The following ZNF365 variants were observed in gnomAD, a reference collection of about 807,000 sequenced individuals.
ZNF365 encodes zinc finger protein 365.
A neutral mutation model predicts 35.0 loss-of-function variants in ZNF365; 22 were observed. The ratio of observed to expected loss-of-function variants is 0.63; its 90% CI spans 0.45 to 0.90. The LOEUF is 0.90. ZNF365 is among the 40% of genes least tolerant of loss of function. ZNF365 has a pLI of 0.00. For synonymous variants in ZNF365, 188 were observed against 196.2 expected (o/e 0.96, Z 0.35); for missense variants, 448 against 500.3 (o/e 0.90, Z 1.00).
chr10:62,427,474 C>A (rs965956767), intron 3 of ZNF365, among the ~76,000 whole-genome samples: 2 of 152,250 alleles, frequency 1.3e-5, no homozygotes, highest in Non-Finnish European at 2.9e-5. Context: ...GTTAGCACAG[C>A]AACAAAATCA....
At chr10:62,389,591 AG>A in intron 3 of ZNF365, among the ~76,000 whole-genome samples, 1 of 152,312 alleles carries the variant, frequency 6.6e-6, no homozygotes, top group Middle Eastern at 3.4e-3. Context: ...CAGGGTGAAA[AG>A]GCAACATGAT....
chr10:62,441,237 G>T (rs1382426489), intron 3 of ZNF365, among the ~76,000 whole-genome samples: 2 of 152,090 alleles, frequency 1.3e-5, no homozygotes, highest in East Asian at 3.8e-4. Flanking sequence ...CAAATCTAAG[G>T]ATGTCTGATT....
intron 3 of ZNF365, 60 bp downstream of exon 3, chr10:62,388,636 G>A (rs1839567291): frequency 1.3e-6 from 2 of 1,584,440 alleles, no homozygotes; most frequent in Non-Finnish European, 1.7e-6. Context: ...AGAATGGGCT[G>A]AGGACAGAGA....
intron 3 of ZNF365, among the ~76,000 whole-genome samples, chr10:62,455,132 A>T (rs960609488): frequency 6.6e-6 from 1 of 152,172 alleles, no homozygotes; most frequent in Non-Finnish European, 1.5e-5. Flanking sequence ...AAAGGACAGA[A>T]AAACGCTGAC....
rs79524341 is a variant in ZNF365, at chr10:62,432,912, T to A, written c.925-26829T>A. On this transcript the variant is annotated intron_variant, in intron 3 of 4. Transcript: ENST00000395255. ...TCTCTTGAAAGCCCTAAAATGTACA[T>A]GGAGATCTTTCCCAGTAAACCCAAA... Among the ~76,000 whole-genome samples, 114 of 152,348 alleles carry A rather than the reference T, an allele frequency of 7.5e-4. 2 individuals are homozygous for A. In the East Asian group the frequency reaches 0.02, roughly 27 times the overall value.
intron 3 of ZNF365, among the ~76,000 whole-genome samples, chr10:62,418,818 G>A (rs1303462599): frequency 6.6e-6 from 1 of 152,050 alleles, no homozygotes; most frequent in African/African-American, 2.4e-5. Flanking sequence ...GGCAGATAAA[G>A]CCTAGAAGAG....
chr10:62,376,947 C>T lies in ZNF365; in HGVS notation c.743+11C>T. The T allele has an allele frequency of 1.3e-6, 2 of 1,590,140 alleles. No homozygotes were observed. The highest frequency in any genetic ancestry group is 1.7e-6 in the Non-Finnish European group (2 of 1,169,574). On this transcript the variant is annotated intron_variant, in intron 2 of 4. Coordinates refer to ENST00000395254, the MANE Select transcript of ZNF365 (RefSeq NM_014951.3). The stretch of plus-strand genomic sequence containing the variant: ...TCTTAGGAAAGAAGAGTAAGTGTTG[C>T]TGACAGGGGATGCTAACCCCATTGC...
intron 4 of ZNF365, among the ~76,000 whole-genome samples, chr10:62,471,684 ACAAAAAAATCTG>A (rs1841041560): frequency 6.6e-6 from 1 of 152,252 alleles, no homozygotes; most frequent in African/African-American, 2.4e-5. Flanking sequence ...GCATGGATGT[ACAAAAAAATCTG>A]CATGATTATT....
chr10:62,407,254 T>C (rs1241021056), downstream of ZNF365, among the ~76,000 whole-genome samples: 1 of 152,210 alleles, frequency 6.6e-6, no homozygotes, highest in African/African-American at 2.4e-5. Context: ...TGCTTCCCCA[T>C]AGTGGTTTGT....
Position 62,458,342 on chromosome 10 carries a change from A to G in ZNF365, c.925-1399A>G, listed in dbSNP as rs1448695305. Among the ~76,000 whole-genome samples, 3 of 152,164 alleles carry G rather than the reference A, an allele frequency of 2.0e-5. No individual in the cohort carries two copies. The East Asian group carries it at 5.8e-4, about 29-fold the overall frequency. On this transcript the variant is annotated intron_variant, in intron 3 of 4. Transcript: ENST00000395255. The stretch of plus-strand genomic sequence containing the variant: ...CTTTCCTTCTTCCAGAAAAGTATCA[A>G]AATGTCTGCTGATGGTTTCCTTTTT...
chr10:62,423,413 T>C (rs1840203780), intron 3 of ZNF365, among the ~76,000 whole-genome samples: 1 of 152,200 alleles, frequency 6.6e-6, no homozygotes, highest in Admixed American at 6.5e-5. Context: ...TTTCAGAATC[T>C]ACCTTGGGAA....
At chr10:62,411,649 G>A (rs916920787) in intron 3 of ZNF365, among the ~76,000 whole-genome samples, 4 of 151,954 alleles carry the variant, frequency 2.6e-5, no homozygotes, top group African/African-American at 9.7e-5. Flanking sequence ...GTCTGTTTTT[G>A]TACCAGTACC....
Position 62,399,768 on chromosome 10 carries a change from A to T in ZNF365, c.1203A>T (p.Thr401=), listed in dbSNP as rs1839794957. The change falls in exon 5 of 5, where the codon ACA becomes ACT. Residue 401 remains threonine (T), a synonymous_variant. Transcript: ENST00000395254. ...CCAAAATGGCTAAAAAAAAGCCAAC[A>T]GCCATTGTGAACATCATCTAAAAGG... The part of the protein sequence containing the change: ...IRPKMAKKKP[T]AIVNII 3.7e-6 allele frequency: 6 copies of T among 1,613,334 alleles called. No homozygotes were observed. Among genetic ancestry groups the T allele is most frequent in the Non-Finnish European group, 5.1e-6 (6 of 1,179,822 alleles).
chr10:62,397,637 CATGCAGAT>C (rs1379088707), intron 3 of ZNF365, among the ~76,000 whole-genome samples: 4 of 152,174 alleles, frequency 2.6e-5, no homozygotes, highest in African/African-American at 9.7e-5. Context: ...CACAAAAGTG[CATGCAGAT>C]ATTTTATTGC....
rs201686978 is a variant in ZNF365, at chr10:62,382,716, A to G, written c.744-5680A>G. Among the ~76,000 whole-genome samples, 12 of 152,322 alleles carry G rather than the reference A, an allele frequency of 7.9e-5. No individual in the cohort carries two copies. In the East Asian group the frequency reaches 1.5e-3, roughly 20 times the overall value. ...GCCTGTGGTGCCGGAAAGAGAGCGC[A>G]GGAGCCGACTCCATGCTATGGGTTT... On this transcript the variant is annotated intron_variant, in intron 2 of 4. Coordinates refer to ENST00000395254, the MANE Select transcript of ZNF365 (RefSeq NM_014951.3).
rs776518486 is a variant in ZNF365, at chr10:62,399,799, T to C, written c.*10T>C. 3.7e-6 allele frequency: 6 copies of C among 1,609,666 alleles called. No individual in the cohort carries two copies. The highest frequency in any genetic ancestry group is 2.7e-5 in the African/African-American group (2 of 74,690). ...TGTGAACATCATCTAAAAGGGTGGG[T>C]GGTGCTGGACCAATCATCGCTGGGC... On this transcript the variant is annotated 3_prime_UTR_variant, in exon 5 of 5. Coordinates refer to ENST00000395254, the MANE Select transcript of ZNF365 (RefSeq NM_014951.3).
intron 3 of ZNF365, among the ~76,000 whole-genome samples, chr10:62,450,638 A>G (rs952273202): frequency 2.0e-5 from 3 of 152,220 alleles, no homozygotes; most frequent in Non-Finnish European, 4.4e-5. Context: ...TAGGAGAGGG[A>G]AAAAGCAAAG....
At chr10:62,412,705 G>A (rs1037297462) in intron 3 of ZNF365, among the ~76,000 whole-genome samples, 1 of 152,000 alleles carries the variant, frequency 6.6e-6, no homozygotes, top group African/African-American at 2.4e-5. Flanking sequence ...TAGGAATACA[G>A]CTAACAAGAG....
chr10:62,387,462 GA>G (rs1295881872), intron 2 of ZNF365, among the ~76,000 whole-genome samples: 3 of 151,848 alleles, frequency 2.0e-5, no homozygotes, highest in Non-Finnish European at 4.4e-5. Context: ...TTATAAATCA[GA>G]AAAAAATACT....
Sources: gnomAD v4.1 joint callset for allele counts (sites outside exome capture counted in the v4.1 genomes callset) on GRCh38, gnomAD v4.1.1 for gene constraint, MANE v1.5 for transcripts, NCBI Gene and HGNC (gene_info 2026-07-23, HGNC 2026-07-21) for gene names.